ZNF638: variants seen among roughly 807,000 people sequenced by gnomAD.
ZNF638 encodes the protein CTCL tumor antigen se33-1.
Under a neutral mutation model 195.6 loss-of-function variants are expected in ZNF638, and 46 were observed. The ratio of observed to expected loss-of-function variants is 0.24; its 90% CI spans 0.19 to 0.30. The LOEUF is 0.30. Ranked by LOEUF, ZNF638 falls within the 10% of genes least tolerant of loss-of-function variation. ZNF638 has a pLI of 1.00. For missense variants in ZNF638, 2,440 were observed against 2,325.3 expected, an observed-to-expected ratio of 1.05 and a Z score of -1.01; for synonymous variants, 845 against 772.0, an observed-to-expected ratio of 1.09 and a Z score of -1.57.
chr2:71,344,668 T>A (rs2078821997), intron 1 of ZNF638, among the ~76,000 whole-genome samples: 1 of 152,146 alleles, frequency 6.6e-6, no homozygotes, highest in Admixed American at 6.5e-5. Flanking sequence ...ATACTTAATC[T>A]TGTAATTTTA....
intron 8 of ZNF638, among the ~76,000 whole-genome samples, chr2:71,373,774 T>G (rs1414003576): frequency 6.6e-6 from 1 of 152,082 alleles, no homozygotes; most frequent in Non-Finnish European, 1.5e-5. Flanking sequence ...TCTGCATTTT[T>G]TTCTTTATTA....
At chr2:71,433,557 T>C (rs1263208761) in intron 27 of ZNF638, 2 of 299,064 alleles carry the variant, frequency 6.7e-6, no homozygotes, top group Non-Finnish European at 1.2e-5. Flanking sequence ...CATGTTTTGA[T>C]GCCCTCTTGT....
At position 71,331,862 on chromosome 2, in the gene ZNF638, T is replaced by C. The variant is rs2078574498; in HGVS notation, c.-216T>C. 1 of 986,200 alleles carries C rather than the reference T, an allele frequency of 1.0e-6. No homozygotes were observed. The highest frequency in any genetic ancestry group is 1.2e-6 in the Non-Finnish European group (1 of 830,276). The allele number at this position is 986,200 out of a possible 1,614,324, so 61.1% of individuals were successfully genotyped here. On this transcript the variant is annotated 5_prime_UTR_variant, in exon 1 of 28. Coordinates refer to ENST00000264447, the MANE Select transcript of ZNF638 (RefSeq NM_014497.5). ...GGCGCGGATGGGATCCAGCTGTTAG[T>C]CGGGTAGGCATAGGTAGGACCGCTG...
chr2:71,403,018 T>C (rs2080037244), intron 16 of ZNF638, among the ~76,000 whole-genome samples: 1 of 152,164 alleles, frequency 6.6e-6, no homozygotes, highest in African/African-American at 2.4e-5. Context: ...TAAAACCCAT[T>C]GCATTGTGTA....
At chr2:71,406,891 C>CT (rs2080116681) in intron 19 of ZNF638, among the ~76,000 whole-genome samples, 1 of 151,876 alleles carries the variant, frequency 6.6e-6, no homozygotes, top group Non-Finnish European at 1.5e-5. Flanking sequence ...TCCCAGCTGC[C>CT]TGGGAGGCTG....
chr2:71,385,586 A>T (rs1057021037), intron 10 of ZNF638, among the ~76,000 whole-genome samples: 1 of 149,620 alleles, frequency 6.7e-6, no homozygotes, highest in African/African-American at 2.5e-5. Context: ...GGTGGTAGTC[A>T]CACTGATCTA....
intron 12 of ZNF638, 110 bp from the exon 13 acceptor site, chr2:71,399,449 A>C (rs1167258845): frequency 1.4e-6 from 1 of 716,330 alleles, no homozygotes; most frequent in Admixed American, 2.7e-5. Context: ...CTATGTGGAA[A>C]AGAGCTGCTT....
Position 71,421,635 on chromosome 2 carries a change from C to T in ZNF638, c.3300-1179C>T, listed in dbSNP as rs371463819. 3.9e-5 allele frequency among the ~76,000 whole-genome samples: 6 copies of T among 152,102 alleles called. No individual in the cohort carries two copies. In the South Asian group the frequency reaches 8.3e-4, roughly 21 times the overall value. On this transcript the variant is annotated intron_variant, in intron 21 of 27. Transcript: ENST00000264447. ...TAACTGAAGGGTACATGGCCACCCT[C>T]TAAGAAGCAGGTCAAAAGGGATGGC...
chr2:71,423,199 G>A lies in ZNF638; in HGVS notation c.3685G>A (p.Val1229Met). ...AACAGCATTGTTACCATCTGACAGT[G>A]TGTTTGCAGAAGAAAGGAACCTCAA... ...PKTALLPSDS[V>M]FAEERNLKGI... Residue 1229 changes from valine to methionine, a missense_variant, in exon 22 of 28, where the codon GTG (valine) becomes ATG (methionine). This residue lies in a region of ZNF638 where 1,883 missense variants were observed against 1,739.1 expected (regional missense o/e 1.08). Transcript: ENST00000264447. 1 of 1,614,118 alleles carries A rather than the reference G, an allele frequency of 6.2e-7. No homozygotes were observed. Among genetic ancestry groups the A allele is most frequent in the Non-Finnish European group, 8.5e-7 (1 of 1,179,982 alleles).
At chr2:71,365,865 G>T (rs552702081) in intron 6 of ZNF638, among the ~76,000 whole-genome samples, 159 bp downstream of exon 6, 2 of 152,120 alleles carry the variant, frequency 1.3e-5, no homozygotes. Flanking sequence ...CACCACAGGC[G>T]TGTGCCACCA....
chr2:71,408,314 G>A (rs1272126539), intron 20 of ZNF638, 67 bp downstream of exon 20: 2 of 1,523,120 alleles, frequency 1.3e-6, no homozygotes, highest in African/African-American at 2.8e-5. Context: ...GTCATTCTCA[G>A]GTAGTAGTCA....
At chr2:71,350,961 C>T (rs1409924882) in intron 2 of ZNF638, among the ~76,000 whole-genome samples, 1 of 152,114 alleles carries the variant, frequency 6.6e-6, no homozygotes, top group Non-Finnish European at 1.5e-5. Flanking sequence ...AAGTATTTTG[C>T]AGAGGCAGTG....
Position 71,387,629 on chromosome 2 carries a change from C to T in ZNF638, c.2377+7064C>T, listed in dbSNP as rs186934690. 7.4e-4 allele frequency among the ~76,000 whole-genome samples: 111 copies of T among 150,024 alleles called. 1 individual carries two copies. Among genetic ancestry groups the T allele is most frequent in the African/African-American group, 2.6e-3 (107 of 40,618 alleles). Reference sequence around the variant, plus strand: ...GAGGTTGTAATGAGCTGAGATCATGCCACTCAGCCTGGGCAACAGAGCAAG... The same window carrying T: ...GAGGTTGTAATGAGCTGAGATCATGTCACTCAGCCTGGGCAACAGAGCAAG... On this transcript the variant is annotated intron_variant, in intron 10 of 27. Transcript: ENST00000264447.
At chr2:71,411,073 C>T (rs2080210496) in intron 20 of ZNF638, among the ~76,000 whole-genome samples, 1 of 146,360 alleles carries the variant, frequency 6.8e-6, no homozygotes, top group Non-Finnish European at 1.5e-5. Context: ...CCTCGGCTCA[C>T]TGCAGCCTCC....
intron 2 of ZNF638, 115 bp from the exon 3 acceptor site, chr2:71,355,604 A>C: frequency 1.3e-6 from 1 of 742,938 alleles, no homozygotes; most frequent in South Asian, 1.9e-5. Context: ...AATGCTATTT[A>C]TGAGTACGTT....
At chr2:71,344,968 A>G (rs925984743) in intron 1 of ZNF638, among the ~76,000 whole-genome samples, 4 of 152,170 alleles carry the variant, frequency 2.6e-5, no homozygotes, top group Non-Finnish European at 5.9e-5. Context: ...TGCAAATGAA[A>G]TATGAGTATA....
chr2:71,400,428 G>A (rs1346873775), intron 14 of ZNF638, 50 bp from the exon 15 acceptor site: 3 of 1,543,456 alleles, frequency 1.9e-6, no homozygotes, highest in Non-Finnish European at 2.6e-6. Context: ...GAATAAAGTA[G>A]GATCTTGATA....
Position 71,402,085 on chromosome 2 carries a change from A to G in ZNF638, c.2827A>G (p.Lys943Glu), listed in dbSNP as rs1194895417. 6.2e-7 allele frequency: 1 copy of G among 1,605,036 alleles called. No individual in the cohort carries two copies. Among genetic ancestry groups the G allele is most frequent in the African/African-American group, 1.3e-5 (1 of 74,540 alleles). ...KDILILSSHKKAYIEINRKAA... is the reference protein window; with the variant it reads ...KDILILSSHKEAYIEINRKAA... Reference sequence around the variant, plus strand: ...TATCTTGATTTTATCATCTCATAAAAAGGTAAGAGTTGATTAATAGCTGTT... The same window carrying G: ...TATCTTGATTTTATCATCTCATAAAGAGGTAAGAGTTGATTAATAGCTGTT... The change falls in exon 16 of 28, where the codon AAG (lysine) becomes GAG (glutamate). Residue 943 changes from lysine to glutamate, a missense_variant and splice_region_variant. Around this residue, in one of 5 missense-constraint regions of ZNF638, gnomAD observed 1,883 missense variants for 1,739.1 expected, o/e 1.08. Coordinates refer to ENST00000264447, the MANE Select transcript of ZNF638 (RefSeq NM_014497.5).
chr2:71,384,549 C>T (rs1174075017), intron 10 of ZNF638, among the ~76,000 whole-genome samples: 4 of 152,290 alleles, frequency 2.6e-5, no homozygotes, highest in African/African-American at 9.6e-5. Context: ...CTTCATTTAA[C>T]TTCAGTAAGC....
Sources: allele counts gnomAD v4.1 joint callset (sites outside exome capture counted in the v4.1 genomes callset), GRCh38; gene constraint gnomAD v4.1.1; regional missense constraint gnomAD v4.1.1; transcripts MANE v1.5; gene names NCBI Gene and HGNC (gene_info 2026-07-23, HGNC 2026-07-21).